COL25A1: variants seen among roughly 807,000 people sequenced by gnomAD.
The protein encoded by COL25A1 is collagen alpha-1(XXV) chain.
A neutral mutation model predicts 128.4 loss-of-function variants in COL25A1; 103 were observed. The observed-to-expected ratio is 0.80, with a 90% CI of 0.68 to 0.94. The LOEUF is 0.94. Ranked by LOEUF, COL25A1 falls within the 40% of genes least tolerant of loss-of-function variation. COL25A1 has a pLI of 0.00. For missense variants in COL25A1, 745 were observed against 840.0 expected, an observed-to-expected ratio of 0.89 and a Z score of 1.40; for synonymous variants, 279 against 277.2, an observed-to-expected ratio of 1.01 and a Z score of -0.06.
At chr4:109,000,368 T>G (rs560879706) in intron 6 of COL25A1, among the ~76,000 whole-genome samples, 14 of 152,148 alleles carry the variant, frequency 9.2e-5, no homozygotes, top group Non-Finnish European at 1.6e-4. Context: ...CAAAGATAGA[T>G]AGTTTGTCAG....
intron 3 of COL25A1, among the ~76,000 whole-genome samples, chr4:109,138,436 G>A (rs571100428): frequency 2.8e-4 from 42 of 152,214 alleles, no homozygotes; most frequent in African/African-American, 7.5e-4. Context: ...GAATAGTGCC[G>A]CAATAAACAT....
intron 3 of COL25A1, among the ~76,000 whole-genome samples, chr4:109,140,960 C>T (rs1178309907): frequency 6.6e-6 from 1 of 152,130 alleles, no homozygotes; most frequent in Non-Finnish European, 1.5e-5. Flanking sequence ...GCCAGTACTT[C>T]CAATACTATG....
At chr4:109,112,422 A>T (rs751076125) in intron 3 of COL25A1, among the ~76,000 whole-genome samples, 14 of 151,756 alleles carry the variant, frequency 9.2e-5, no homozygotes, top group Admixed American at 2.6e-4. Context: ...TGGAATGAAA[A>T]TTTTTTTTAC....
intron 5 of COL25A1, among the ~76,000 whole-genome samples, chr4:109,037,299 C>T (rs1449320255): frequency 6.6e-6 from 1 of 152,192 alleles, no homozygotes; most frequent in Non-Finnish European, 1.5e-5. Context: ...GGTGACTCGG[C>T]CACTTTGCAT....
chr4:109,299,935 C>T (rs1386911487), intron 3 of COL25A1, among the ~76,000 whole-genome samples: 1 of 152,004 alleles, frequency 6.6e-6, no homozygotes, highest in Non-Finnish European at 1.5e-5. Context: ...AATATGCTGC[C>T]TTTAATATAG....
intron 5 of COL25A1, among the ~76,000 whole-genome samples, chr4:109,019,375 C>CACATATATATATATATATATATATAT (rs1338511772): frequency 3.7e-4 from 18 of 48,816 alleles, no homozygotes; most frequent in Non-Finnish European, 4.7e-4. Flanking sequence ...CACACACACA[C>CACATATATATATATATATATATATAT]ATATATATAT....
At position 109,223,921 on chromosome 4, in the gene COL25A1, C is replaced by T. The variant is rs563632459; in HGVS notation, c.367+76662G>A. Among the ~76,000 whole-genome samples, 11 of 152,254 alleles carry T rather than the reference C, an allele frequency of 7.2e-5. No homozygotes were observed. The East Asian group carries it at 2.1e-3, about 29-fold the overall frequency. On this transcript the variant is annotated intron_variant, in intron 3 of 37. Coordinates refer to ENST00000399132, the MANE Select transcript of COL25A1 (RefSeq NM_198721.4). The stretch of plus-strand genomic sequence containing the variant: ...CCCTAAAGATTTATGAATTACATAT[C>T]TAAGAAGTATACCTATATCTACCGA...
intron 3 of COL25A1, among the ~76,000 whole-genome samples, chr4:109,149,992 ATGTGTGGG>A (rs1242162304): frequency 2.1e-5 from 3 of 142,580 alleles, no homozygotes; most frequent in African/African-American, 7.5e-5. Flanking sequence ...GTATGTGTGT[ATGTGTGGG>A]TGTGTGTGTG....
At chr4:108,860,779 G>C (rs967754300) in intron 23 of COL25A1, 148 bp downstream of exon 23, 9 of 670,972 alleles carry the variant, frequency 1.3e-5, no homozygotes, top group African/African-American at 1.3e-4. Context: ...AGGAGGTAGG[G>C]GTGTTTCAGG....
intron 3 of COL25A1, among the ~76,000 whole-genome samples, chr4:109,052,183 A>G (rs1479788632): frequency 6.6e-6 from 1 of 152,000 alleles, no homozygotes; most frequent in Non-Finnish European, 1.5e-5. Flanking sequence ...ACTTGAATAA[A>G]TTTTTACTTA....
chr4:108,869,190 C>CAATAAATAAATA (rs72348233), intron 19 of COL25A1, 40 bp from the exon 20 acceptor site: 10,348 of 753,630 alleles, frequency 0.014, 132 homozygotes, highest in African/African-American at 0.033. Context: ...AATCATTTGA[C>CAATAAATAAATA]AATAAATAAA....
In COL25A1 at chr4:109,210,207, C is replaced by T. The variant is rs549295742; in HGVS notation, c.367+90376G>A. Among the ~76,000 whole-genome samples, 141 of 152,110 alleles carry T rather than the reference C, an allele frequency of 9.3e-4. 1 individual carries two copies. The highest frequency in any genetic ancestry group is 1.6e-3 in the Non-Finnish European group (112 of 67,984). On this transcript the variant is annotated intron_variant, in intron 3 of 37. Transcript: ENST00000399132. ...AAAAAAATCACTAAGAGGTAAAAGGCTCCTACTAGTATCAAAACAAATTGC... is the reference window on the plus strand; with the variant it reads ...AAAAAAATCACTAAGAGGTAAAAGGTTCCTACTAGTATCAAAACAAATTGC...
At position 108,895,740 on chromosome 4, in the gene COL25A1, G is replaced by T. The variant is rs371526221; in HGVS notation, c.906+927C>A. ...TTCTTTTTAAAATTATGATTTCAAT[G>T]GGTTTTTGGGGGAACAGGTGGTGTT... On this transcript the variant is annotated intron_variant, in intron 16 of 37. Coordinates refer to ENST00000399132, the MANE Select transcript of COL25A1 (RefSeq NM_198721.4). 2.6e-5 allele frequency among the ~76,000 whole-genome samples: 4 copies of T among 151,942 alleles called. No individual in the cohort carries two copies. In the East Asian group the frequency reaches 7.8e-4, roughly 29 times the overall value.
At chr4:108,951,539 C>A (rs192612442) in intron 8 of COL25A1, among the ~76,000 whole-genome samples, 121 of 152,040 alleles carry the variant, frequency 8.0e-4, no homozygotes, top group African/African-American at 2.9e-3. Context: ...GTGCCCACCA[C>A]CACGCCCGGC....
At chr4:109,069,156 C>T (rs1219247180) in intron 3 of COL25A1, among the ~76,000 whole-genome samples, 1 of 150,276 alleles carries the variant, frequency 6.7e-6, no homozygotes, top group Non-Finnish European at 1.5e-5. Flanking sequence ...GAGCAGAAAA[C>T]TCTTGCAGAC....
At chr4:109,279,148 C>T (rs1340685716) in intron 3 of COL25A1, among the ~76,000 whole-genome samples, 1 of 152,082 alleles carries the variant, frequency 6.6e-6, no homozygotes, top group Non-Finnish European at 1.5e-5. Flanking sequence ...ACCCAAACCA[C>T]ATCAAAAAAT....
At chr4:108,948,013 C>T (rs1476235330) in intron 8 of COL25A1, among the ~76,000 whole-genome samples, 2 of 152,176 alleles carry the variant, frequency 1.3e-5, no homozygotes, top group Admixed American at 1.3e-4. Context: ...TGCATTACAA[C>T]ACGACCATCA....
intron 19 of COL25A1, among the ~76,000 whole-genome samples, chr4:108,876,478 G>A (rs1739470753): frequency 6.6e-6 from 1 of 151,818 alleles, no homozygotes; most frequent in Non-Finnish European, 1.5e-5. Flanking sequence ...TATGTGTCCT[G>A]GAAATCTCCA....
intron 6 of COL25A1, among the ~76,000 whole-genome samples, chr4:108,993,262 T>A (rs1210630511): frequency 7.2e-5 from 11 of 152,188 alleles, no homozygotes; most frequent in African/African-American, 2.7e-4. Flanking sequence ...TGATTCCACA[T>A]ACGCATGAGA....
Sources: gnomAD v4.1 joint callset for allele counts (sites outside exome capture counted in the v4.1 genomes callset) on GRCh38, gnomAD v4.1.1 for gene constraint, MANE v1.5 for transcripts, NCBI Gene and HGNC (gene_info 2026-07-23, HGNC 2026-07-21) for gene names.